Variants in ENOX1 observed in about 807,000 individuals in gnomAD.
The protein encoded by ENOX1 is candidate growth-related and time keeping constitutive hydroquinone (NADH) oxidase.
In ENOX1, 42 loss-of-function variants were observed where a neutral mutation model predicts 82.5. The observed-to-expected ratio is 0.51, with a 90% CI of 0.40 to 0.66. The LOEUF is 0.66. ENOX1 is among the 30% of genes least tolerant of loss of function. The probability of loss-of-function intolerance (pLI) is 0.00; values close to 1 mark genes in which losing one functional copy is unlikely to be tolerated. For missense variants in ENOX1, 608 were observed against 811.6 expected, an observed-to-expected ratio of 0.75 and a Z score of 3.05; for synonymous variants, 271 against 282.2, an observed-to-expected ratio of 0.96 and a Z score of 0.40.
At chr13:43,472,045 G>A (rs2153648470) in intron 3 of ENOX1, among the ~76,000 whole-genome samples, 1 of 151,380 alleles carries the variant, frequency 6.6e-6, no homozygotes, top group East Asian at 1.9e-4. Flanking sequence ...AAGAAAAAAA[G>A]AGAAAGCAAT....
intron 1 of ENOX1, among the ~76,000 whole-genome samples, chr13:43,668,730 C>T (rs1392623125): frequency 6.6e-6 from 1 of 152,084 alleles, no homozygotes; most frequent in Admixed American, 6.6e-5. Flanking sequence ...AAGCCAGGGG[C>T]AGGGGAAGGT....
At chr13:43,421,250 T>C (rs1029492943) in intron 3 of ENOX1, among the ~76,000 whole-genome samples, 1 of 152,198 alleles carries the variant, frequency 6.6e-6, no homozygotes, top group Non-Finnish European at 1.5e-5. Flanking sequence ...CAATTTATGA[T>C]AAGGTTACAT....
At chr13:43,572,884 T>C (rs1177061541) in intron 2 of ENOX1, among the ~76,000 whole-genome samples, 16 of 152,224 alleles carry the variant, frequency 1.1e-4, no homozygotes. Flanking sequence ...CATTTTCACA[T>C]AAAAATCACC....
At chr13:43,766,813 A>G (rs1951303388) in intron 1 of ENOX1, among the ~76,000 whole-genome samples, 1 of 152,214 alleles carries the variant, frequency 6.6e-6, no homozygotes, top group South Asian at 2.1e-4. Flanking sequence ...GGGAATTGAG[A>G]ATTCTCACTA....
intron 3 of ENOX1, among the ~76,000 whole-genome samples, chr13:43,415,995 G>A (rs1485499264): frequency 4.1e-5 from 6 of 146,628 alleles, no homozygotes; most frequent in East Asian, 2.1e-4. Flanking sequence ...AGGCAGAGGC[G>A]CTCCCCATCT....
chr13:43,762,475 T>G lies in ENOX1; in HGVS notation c.-285+24177A>C, dbSNP rs551395506. Among the ~76,000 whole-genome samples, 66 of 152,336 alleles carry G rather than the reference T, an allele frequency of 4.3e-4. 1 individual carries two copies. The highest frequency in any genetic ancestry group is 1.5e-3 in the African/African-American group (63 of 41,580). On this transcript the variant is annotated intron_variant, in intron 1 of 16. Coordinates refer to ENST00000690772, the MANE Select transcript of ENOX1 (RefSeq NM_001347969.2). ...GTTAACTATGAGATAAAATTTGAAT[T>G]TAACTCCCTACGATTGTCCCTCTAT...
At chr13:43,526,075 C>T (rs1396173269) in intron 2 of ENOX1, among the ~76,000 whole-genome samples, 1 of 152,120 alleles carries the variant, frequency 6.6e-6, no homozygotes, top group Non-Finnish European at 1.5e-5. Flanking sequence ...ACAAACAATG[C>T]TCTATGCAGG....
At chr13:43,356,418 C>A (rs1444995443) in intron 7 of ENOX1, among the ~76,000 whole-genome samples, 1 of 152,128 alleles carries the variant, frequency 6.6e-6, no homozygotes, top group Non-Finnish European at 1.5e-5. Flanking sequence ...ACCAGTATCC[C>A]CAAGAGAAGA....
chr13:43,223,923 A>G lies in ENOX1; in HGVS notation c.1800+130T>C, dbSNP rs553952969. The G allele has an allele frequency of 6.5e-6, 4 of 614,980 alleles. No homozygotes were observed. The East Asian group carries it at 8.8e-5, about 13-fold the overall frequency. The allele number at this position is 614,980 out of a possible 1,614,324, so 38.1% of individuals were successfully genotyped here. A position where few individuals can be genotyped will look rare whatever the true frequency, so the allele number is the denominator to read the frequency against. On this transcript the variant is annotated intron_variant, in intron 16 of 16. Transcript: ENST00000690772. ...AGCTGCCAAAAACTGAGGTCCTTGC[A>G]AAAGAGAAGGGCTGATCAACCCCCA...
chr13:43,406,567 A>T (rs2053808690), intron 5 of ENOX1, among the ~76,000 whole-genome samples: 1 of 146,346 alleles, frequency 6.8e-6, no homozygotes, highest in Non-Finnish European at 1.5e-5. Flanking sequence ...ATCTCGGCTC[A>T]CTGCAAGCTC....
chr13:43,500,185 T>A (rs1314661481), intron 2 of ENOX1, among the ~76,000 whole-genome samples: 1 of 152,120 alleles, frequency 6.6e-6, no homozygotes, highest in African/African-American at 2.4e-5. Context: ...AGAAAGCTTA[T>A]TTAAAGAAAT....
intron 1 of ENOX1, among the ~76,000 whole-genome samples, chr13:43,725,740 C>A (rs2088899724): frequency 6.6e-6 from 1 of 150,584 alleles, no homozygotes; most frequent in Non-Finnish European, 1.5e-5. Flanking sequence ...CAGAGGCCAG[C>A]AGATCACTTG....
chr13:43,411,863 C>G, intron 5 of ENOX1, 53 bp downstream of exon 5: 1 of 1,606,738 alleles, frequency 6.2e-7, no homozygotes, highest in South Asian at 1.1e-5. Context: ...GCACCTGTCA[C>G]CTACACCCTT....
intron 1 of ENOX1, among the ~76,000 whole-genome samples, chr13:43,715,030 T>A (rs1191033995): frequency 1.3e-5 from 2 of 152,182 alleles, no homozygotes; most frequent in African/African-American, 4.8e-5. Context: ...TTTTGGCATG[T>A]TTTTGCAGTG....
intron 3 of ENOX1, among the ~76,000 whole-genome samples, chr13:43,444,817 C>A (rs1001447184): frequency 1.3e-5 from 2 of 152,148 alleles, no homozygotes; most frequent in Non-Finnish European, 2.9e-5. Flanking sequence ...GGATTTCACT[C>A]TTTTATTATT....
chr13:43,724,423 T>C (rs539417530), intron 1 of ENOX1, among the ~76,000 whole-genome samples: 1 of 152,120 alleles, frequency 6.6e-6, no homozygotes, highest in East Asian at 1.9e-4. Flanking sequence ...CTCCAACACA[T>C]GGAATGAAAG....
intron 2 of ENOX1, among the ~76,000 whole-genome samples, chr13:43,666,485 G>C (rs2084985530): frequency 6.6e-6 from 1 of 152,128 alleles, no homozygotes; most frequent in Non-Finnish European, 1.5e-5. Flanking sequence ...ACACATGTAG[G>C]GAAGACAGTG....
intron 2 of ENOX1, among the ~76,000 whole-genome samples, chr13:43,512,135 A>G (rs1277567636): frequency 2.6e-5 from 4 of 152,142 alleles, no homozygotes; most frequent in African/African-American, 9.7e-5. Flanking sequence ...CTTTTCAATT[A>G]CTGGCAGATC....
intron 1 of ENOX1, among the ~76,000 whole-genome samples, chr13:43,771,561 G>A (rs1402879604): frequency 6.6e-6 from 1 of 152,162 alleles, no homozygotes; most frequent in Non-Finnish European, 1.5e-5. Context: ...ACATGGGTTA[G>A]AGACATCTGA....
Sources: gnomAD v4.1 joint callset for allele counts (sites outside exome capture counted in the v4.1 genomes callset) on GRCh38, gnomAD v4.1.1 for gene constraint, MANE v1.5 for transcripts, NCBI Gene and HGNC (gene_info 2026-07-23, HGNC 2026-07-21) for gene names.